Variants in TRIB2 observed in about 807,000 individuals in gnomAD.
The protein encoded by TRIB2 is tribbles homolog 2.
TRIB2 carries 2 observed loss-of-function variants against 26.8 expected under a neutral mutation model. That is an observed-to-expected ratio of 0.07 (90% CI 0.03 to 0.24). The LOEUF (loss-of-function observed/expected upper bound fraction) is 0.24. TRIB2 is among the 10% of genes least tolerant of loss of function. The pLI is 1.00. For synonymous variants in TRIB2, 189 were observed against 187.3 expected (o/e 1.01, Z -0.08); for missense variants, 306 against 449.0 (o/e 0.68, Z 2.88).
Position 12,740,330 on chromosome 2 carries a change from C to A in TRIB2, c.568C>A (p.Arg190=), listed in dbSNP as rs749950718. The A allele has an allele frequency of 1.2e-6, 2 of 1,612,558 alleles. No homozygotes were observed. The highest frequency in any genetic ancestry group is 2.2e-5 in the South Asian group (2 of 91,038). The change falls in exon 3 of 3, where the codon CGG becomes AGG. Residue 190 remains arginine, a synonymous_variant. Transcript: ENST00000155926. The surrounding 1 kb of genome is among the most constrained non-coding windows in gnomAD (Gnocchi z 5.8). ...KFIFKDEERT[R]VKLESLEDAY... ...TGTTTTCCTCCTTTCTTGCAGGACT[C>A]GGGTCAAGCTGGAAAGCCTGGAAGA...
chr2:12,735,588 C>T (rs1342233072), intron 2 of TRIB2, among the ~76,000 whole-genome samples: 1 of 152,184 alleles, frequency 6.6e-6, no homozygotes, highest in Admixed American at 6.5e-5. Context: ...ATCATAGTAC[C>T]TGCCTTGGAA....
chr2:12,740,504 T>C lies in TRIB2; in HGVS notation c.742T>C (p.Leu248=), dbSNP rs758384930. 9.3e-6 allele frequency: 15 copies of C among 1,614,048 alleles called. No homozygotes were observed. Among genetic ancestry groups the C allele is most frequent in the South Asian group, 2.2e-5 (2 of 91,068 alleles). ...CCTGGGGGTGATGCTGTACACCATGTTGGTGGGGCGGTACCCTTTCCATGA... is the reference window on the plus strand; with the variant it reads ...CCTGGGGGTGATGCTGTACACCATGCTGGTGGGGCGGTACCCTTTCCATGA... The part of the protein sequence containing the change: ...WSLGVMLYTM[L]VGRYPFHDIE... Residue 248 remains leucine (L), a synonymous_variant, in exon 3 of 3, where the codon TTG becomes CTG. Coordinates refer to ENST00000155926, the MANE Select transcript of TRIB2 (RefSeq NM_021643.4). This position sits in a 1 kb window ranked among gnomAD's most constrained non-coding sequence, Gnocchi z 5.8.
chr2:12,724,683 C>G lies in TRIB2; in HGVS notation c.563+1131C>G, dbSNP rs748964987. 4 of 1,612,930 alleles carry G rather than the reference C, an allele frequency of 2.5e-6. No individual in the cohort carries two copies. The Admixed American group carries it at 6.7e-5, about 27-fold the overall frequency. On this transcript the variant is annotated intron_variant, in intron 2 of 2. Coordinates refer to ENST00000155926, the MANE Select transcript of TRIB2 (RefSeq NM_021643.4). ...TTCCCCTGGTTTTGCCTTCGATACC[C>G]TCTGTGATCTTGGATTGGTCCTTCG...
chr2:12,719,246 C>T (rs1666670529), intron 1 of TRIB2, among the ~76,000 whole-genome samples: 1 of 152,146 alleles, frequency 6.6e-6, no homozygotes, highest in Non-Finnish European at 1.5e-5. Flanking sequence ...CTAGACTTCC[C>T]TGTCTGCTCA....
intron 1 of TRIB2, among the ~76,000 whole-genome samples, chr2:12,722,664 TA>T (rs1553308643): frequency 2.0e-5 from 2 of 97,698 alleles, no homozygotes; most frequent in Non-Finnish European, 5.6e-5. Context: ...GATTCTATCA[TA>T]TTCCTACCTC....
At chr2:12,726,137 G>A (rs1661335950) in intron 2 of TRIB2, among the ~76,000 whole-genome samples, 1 of 152,216 alleles carries the variant, frequency 6.6e-6, no homozygotes, top group African/African-American at 2.4e-5. Flanking sequence ...GCTCTGAGAA[G>A]GTCACCTCTG....
intron 1 of TRIB2, among the ~76,000 whole-genome samples, chr2:12,722,727 TC>T (rs1224935596): frequency 2.0e-5 from 3 of 152,210 alleles, no homozygotes; most frequent in Non-Finnish European, 4.4e-5. Context: ...AGTTTCCATA[TC>T]TGTAAAATGA....
chr2:12,737,815 A>C (rs947816109), intron 2 of TRIB2, among the ~76,000 whole-genome samples: 2 of 152,202 alleles, frequency 1.3e-5, no homozygotes, highest in African/African-American at 2.4e-5. Context: ...AAAATGGTTT[A>C]AGATGGTACA....
rs563734396 is a variant in TRIB2 at position 12,732,990 on chromosome 2, C to T, written c.564-7336C>T. Among the ~76,000 whole-genome samples the T allele has an allele frequency of 3.0e-4, 46 of 152,344 alleles. No individual in the cohort carries two copies. The highest frequency in any genetic ancestry group is 7.2e-4 in the African/African-American group (30 of 41,582). The stretch of plus-strand genomic sequence containing the variant: ...AGGCCCACTTTGTCTGGCTGAACTC[C>T]CAGCTCAGCCCCACCCTGGCCCACC... On this transcript the variant is annotated intron_variant, in intron 2 of 2. Transcript: ENST00000155926. This position sits in a 1 kb window ranked among gnomAD's most constrained non-coding sequence, Gnocchi z 4.2.
chr2:12,717,723 GC>G lies in TRIB2; in HGVS notation c.-579del, dbSNP rs1666625265. Reference sequence around the variant, plus strand: ...CCTCTCCCGCACCCCCCCCTTACACGCCCCCCACCCTTTCCACCAAAAAAAG... The same window carrying G: ...CCTCTCCCGCACCCCCCCCTTACACGCCCCCACCCTTTCCACCAAAAAAAG... On this transcript the variant is annotated 5_prime_UTR_variant, in exon 1 of 3. Coordinates refer to ENST00000155926, the MANE Select transcript of TRIB2 (RefSeq NM_021643.4). This position sits in a 1 kb window ranked among gnomAD's most constrained non-coding sequence, Gnocchi z 4.8. The G allele has an allele frequency of 5.8e-6, 2 of 346,226 alleles. No homozygotes were observed. Among genetic ancestry groups the G allele is most frequent in the African/African-American group, 2.5e-5 (1 of 39,748 alleles). 21.4% of individuals were successfully genotyped at this position (346,226 alleles called of 1,614,324 possible).
chr2:12,724,893 T>G (rs896092396), intron 2 of TRIB2: 1 of 1,526,840 alleles, frequency 6.5e-7, no homozygotes, highest in Non-Finnish European at 8.8e-7. Flanking sequence ...CTCTCTACCC[T>G]TGTATGTTCC....
intron 1 of TRIB2, among the ~76,000 whole-genome samples, chr2:12,719,306 A>G (rs1666672974): frequency 6.6e-6 from 1 of 152,028 alleles, no homozygotes; most frequent in Non-Finnish European, 1.5e-5. Context: ...TGTAAGGTTA[A>G]GAGGCTCCCG....
intron 2 of TRIB2, among the ~76,000 whole-genome samples, chr2:12,734,810 C>A (rs149481060): frequency 2.0e-5 from 3 of 152,314 alleles, no homozygotes; most frequent in African/African-American, 7.2e-5. Flanking sequence ...ACAGATGCTT[C>A]TGTTGGTTTT....
chr2:12,737,886 T>C (rs147161615), intron 2 of TRIB2, among the ~76,000 whole-genome samples: 43 of 152,306 alleles, frequency 2.8e-4, no homozygotes, highest in African/African-American at 9.4e-4. Context: ...TGTCTAGTGC[T>C]CCTCTTTAGG....
At chr2:12,723,755 G>A (rs781441633) in intron 2 of TRIB2, among the ~76,000 whole-genome samples, 4 of 152,194 alleles carry the variant, frequency 2.6e-5, no homozygotes, top group Admixed American at 6.5e-5. Flanking sequence ...GTGTCATCTG[G>A]TGCTCAAAGG....
intron 2 of TRIB2, among the ~76,000 whole-genome samples, chr2:12,730,195 T>G (rs1380547322): frequency 6.6e-6 from 1 of 152,182 alleles, no homozygotes; most frequent in Non-Finnish European, 1.5e-5. Context: ...ATTCACCAAT[T>G]TAATTCTAAT....
intron 2 of TRIB2, among the ~76,000 whole-genome samples, chr2:12,739,978 G>A (rs1661678348): frequency 6.6e-6 from 1 of 152,178 alleles, no homozygotes; most frequent in African/African-American, 2.4e-5. Context: ...TTATGCAAAT[G>A]TGACTTTGAG....
At chr2:12,725,705 G>A (rs1006182162) in intron 2 of TRIB2, among the ~76,000 whole-genome samples, 2 of 152,238 alleles carry the variant, frequency 1.3e-5, no homozygotes, top group African/African-American at 4.8e-5. Context: ...GTGTGAATGT[G>A]AAACCGAAAC....
chr2:12,739,825 GTGAGGCCAAAA>G (rs1430595428), intron 2 of TRIB2, among the ~76,000 whole-genome samples: 3 of 152,222 alleles, frequency 2.0e-5, no homozygotes, highest in East Asian at 3.8e-4. Context: ...AAGGGCTGTA[GTGAGGCCAAAA>G]TGCAAGTAAG....
Sources: gnomAD v4.1 joint callset for allele counts (sites outside exome capture counted in the v4.1 genomes callset) on GRCh38, gnomAD v4.1.1 for gene constraint, Gnocchi (gnomAD v3.1) non-coding constraint, MANE v1.5 for transcripts, NCBI Gene and HGNC (gene_info 2026-07-23, HGNC 2026-07-21) for gene names.